GPA33: variants seen among roughly 807,000 people sequenced by gnomAD.
The protein encoded by GPA33 is cell surface A33 antigen.
Under a neutral mutation model 35.6 loss-of-function variants are expected in GPA33, and 27 were observed. The observed-to-expected ratio is 0.76, with a 90% CI of 0.56 to 1.04. The LOEUF (loss-of-function observed/expected upper bound fraction) is 1.04, where lower values mean the gene tolerates loss of function less well. Among genes scored for constraint, GPA33 ranks in the 50% least tolerant of loss-of-function variants. The pLI, the probability that GPA33 is intolerant of heterozygous loss-of-function variation, is 0.00. For synonymous variants in GPA33, 176 were observed against 164.0 expected (o/e 1.07, Z -0.56); for missense variants, 428 against 411.9 (o/e 1.04, Z -0.34).
chr1:167,065,759 G>A (rs1558006135), intron 3 of GPA33, among the ~76,000 whole-genome samples: 1 of 152,108 alleles, frequency 6.6e-6, no homozygotes. Flanking sequence ...CCAGGTGTGG[G>A]GCGAGCATGA....
chr1:167,084,226 G>A (rs761613899), intron 1 of GPA33, among the ~76,000 whole-genome samples: 9 of 152,198 alleles, frequency 5.9e-5, no homozygotes, highest in Non-Finnish European at 1.2e-4. Context: ...GCAGTTAGGA[G>A]AAGGGCAAAC....
chr1:167,068,521 G>C (rs1182145461), intron 3 of GPA33, among the ~76,000 whole-genome samples: 1 of 152,340 alleles, frequency 6.6e-6, no homozygotes, highest in East Asian at 1.9e-4. Flanking sequence ...CCAAAGTTAC[G>C]GCAGGGAAAG....
At chr1:167,055,659 A>C in intron 5 of GPA33, 71 bp downstream of exon 5, 2 of 1,561,086 alleles carry the variant, frequency 1.3e-6, no homozygotes, top group Non-Finnish European at 1.8e-6. Flanking sequence ...CGGTGGTCTC[A>C]GCTGACTTTC....
chr1:167,056,754 ATGGCG>A (rs1666295492), intron 4 of GPA33, among the ~76,000 whole-genome samples: 1 of 4,508 alleles, frequency 2.2e-4, no homozygotes, highest in African/African-American at 1.1e-3. Context: ...TGGTGTGTGT[ATGGCG>A]TGTGTGTGGT....
Position 167,063,711 on chromosome 1 carries a change from T to A in GPA33, c.442A>T (p.Ile148Phe). ...TTCCCAATTATGGTCTCTCCCTCGATGCCGCATTCTGGTTTGGAGGGTGGC... is the reference window on the plus strand; with the variant it reads ...TTCCCAATTATGGTCTCTCCCTCGAAGCCGCATTCTGGTTTGGAGGGTGGC... ...LVPPSKPECG[I>F]EGETIIGNNI... The change falls in exon 4 of 7, where the codon ATC (isoleucine) becomes TTC (phenylalanine). Residue 148 changes from isoleucine (I) to phenylalanine (F), a missense_variant. Coordinates refer to ENST00000367868, the MANE Select transcript of GPA33 (RefSeq NM_005814.3). The A allele has an allele frequency of 6.2e-7, 1 of 1,613,374 alleles. No homozygotes were observed. Among genetic ancestry groups the A allele is most frequent in the Non-Finnish European group, 8.5e-7 (1 of 1,179,988 alleles).
intron 1 of GPA33, among the ~76,000 whole-genome samples, chr1:167,075,986 A>G (rs1326378791): frequency 1.3e-5 from 2 of 152,118 alleles, no homozygotes; most frequent in African/African-American, 4.8e-5. Context: ...TGGCCTTGGC[A>G]TTAGTGGATG....
At position 167,055,467 on chromosome 1, in the gene GPA33, A is replaced by T. The variant is rs190686570; in HGVS notation, c.691+263T>A. 3.0e-3 allele frequency among the ~76,000 whole-genome samples: 455 copies of T among 152,210 alleles called. 3 individuals are homozygous for T. The highest frequency in any genetic ancestry group is 0.01 in the African/African-American group (428 of 41,534). ...CCTCCACGCCCACCGAGTGGTTCCT[A>T]GGCAGGTGGGACTGACAAAGCCTCT... On this transcript the variant is annotated intron_variant, in intron 5 of 6. Coordinates refer to ENST00000367868, the MANE Select transcript of GPA33 (RefSeq NM_005814.3).
In GPA33 at chr1:167,055,837, G is replaced by C. The variant is rs1172765965; in HGVS notation, c.584C>G (p.Pro195Arg). 6.2e-7 allele frequency: 1 copy of C among 1,613,930 alleles called. No homozygotes were observed. Among genetic ancestry groups the C allele is most frequent in the Admixed American group, 1.7e-5 (1 of 60,020 alleles). The change falls in exon 5 of 7, where the codon CCT becomes CGT. Residue 195 changes from proline (P) to arginine (R), a missense_variant. By Grantham distance (103) the Pro-to-Arg change is moderately radical. Transcript: ENST00000367868. ...TGTGGAGATATTCTTCAGGGAGACA[G>C]GCTGACCTGAGGCTGCAGGGGAAGA... is the stretch of plus-strand genomic sequence containing the variant. ...QPLAQPASGQPVSLKNISTDT... is the reference protein window; with the variant it reads ...QPLAQPASGQRVSLKNISTDT...
At chr1:167,076,373 T>C (rs1171552717) in intron 1 of GPA33, among the ~76,000 whole-genome samples, 1 of 151,928 alleles carries the variant, frequency 6.6e-6, no homozygotes, top group Admixed American at 6.6e-5. Context: ...GATTTGGTGG[T>C]AGAAGGGTGA....
intron 3 of GPA33, among the ~76,000 whole-genome samples, chr1:167,067,549 C>T (rs1186499740): frequency 6.6e-6 from 1 of 152,166 alleles, no homozygotes; most frequent in African/African-American, 2.4e-5. Flanking sequence ...GGGGAGTGTG[C>T]ATTAATACTT....
At chr1:167,073,119 T>G (rs973704501) in intron 2 of GPA33, among the ~76,000 whole-genome samples, 1 of 150,754 alleles carries the variant, frequency 6.6e-6, no homozygotes, top group Non-Finnish European at 1.5e-5. Flanking sequence ...TCAAAAGGAG[T>G]GACTGACTCG....
In GPA33 at chr1:167,054,087, C is replaced by T. The variant is rs1424735692; in HGVS notation, c.*247G>A. On this transcript the variant is annotated 3_prime_UTR_variant, in exon 7 of 7. Coordinates refer to ENST00000367868, the MANE Select transcript of GPA33 (RefSeq NM_005814.3). ...GCTGCAGCCTGGTCTTGAGTGAGGGCCAGGCCCGCACCAGGTGTCACAGCC... is the reference window on the plus strand; with the variant it reads ...GCTGCAGCCTGGTCTTGAGTGAGGGTCAGGCCCGCACCAGGTGTCACAGCC... 25 of 529,128 alleles carry T rather than the reference C, an allele frequency of 4.7e-5. No individual in the cohort carries two copies. The highest frequency in any genetic ancestry group is 7.8e-5 in the Non-Finnish European group (23 of 296,504). 32.8% of individuals were successfully genotyped at this position (529,128 alleles called of 1,614,324 possible).
At chr1:167,081,139 C>T (rs762042825) in intron 1 of GPA33, among the ~76,000 whole-genome samples, 6 of 152,164 alleles carry the variant, frequency 3.9e-5, no homozygotes, top group South Asian at 2.1e-4. Flanking sequence ...AGATAATAAA[C>T]GGTCTCTTGA....
At chr1:167,056,578 A>G (rs1159027281) in intron 4 of GPA33, among the ~76,000 whole-genome samples, 47 of 1,690 alleles carry the variant, frequency 0.028, no homozygotes, top group Non-Finnish European at 0.059. Context: ...TGTGTGTGGC[A>G]TATGTGTGGT....
intron 1 of GPA33, among the ~76,000 whole-genome samples, chr1:167,086,917 G>T (rs985436746): frequency 6.6e-6 from 1 of 152,046 alleles, no homozygotes; most frequent in Non-Finnish European, 1.5e-5. Flanking sequence ...GAGAGATTGG[G>T]TCTTCAAAGG....
At chr1:167,062,047 G>T (rs1217355807) in intron 4 of GPA33, among the ~76,000 whole-genome samples, 1 of 152,004 alleles carries the variant, frequency 6.6e-6, no homozygotes, top group Admixed American at 6.6e-5. Context: ...AGAGCTGTGT[G>T]CCCTGCTGGC....
chr1:167,058,520 A>G (rs887213553), intron 4 of GPA33: 1 of 152,234 alleles, frequency 6.6e-6, no homozygotes, highest in Admixed American at 6.5e-5. Context: ...AAAATCATTC[A>G]TAATTCCATC....
At chr1:167,069,571 T>G (rs1471196151) in intron 2 of GPA33, among the ~76,000 whole-genome samples, 1 of 152,262 alleles carries the variant, frequency 6.6e-6, no homozygotes, top group African/African-American at 2.4e-5. Flanking sequence ...AAACCCACTT[T>G]ATTTTCTTGA....
chr1:167,089,324 C>T (rs952441791), intron 1 of GPA33, among the ~76,000 whole-genome samples: 3 of 152,188 alleles, frequency 2.0e-5, no homozygotes, highest in African/African-American at 7.2e-5. Flanking sequence ...CTTCCCCAGG[C>T]TTGGTGCTCC....
Sources: allele counts gnomAD v4.1 joint callset (sites outside exome capture counted in the v4.1 genomes callset), GRCh38; gene constraint gnomAD v4.1.1; transcripts MANE v1.5; gene names NCBI Gene and HGNC (gene_info 2026-07-23, HGNC 2026-07-21).